ACOT1: variants seen among roughly 807,000 people sequenced by gnomAD.
The protein encoded by ACOT1 is acyl-CoA thioesterase 1.
Under a neutral mutation model 15.7 loss-of-function variants are expected in ACOT1, and 8 were observed. That is an observed-to-expected ratio of 0.51 (90% CI 0.30 to 0.92). The LOEUF (loss-of-function observed/expected upper bound fraction) is 0.92, where lower values mean the gene tolerates loss of function less well. ACOT1 is among the 40% of genes least tolerant of loss of function. ACOT1 has a pLI of 0.06. For synonymous variants in ACOT1, 67 were observed against 241.2 expected, an observed-to-expected ratio of 0.28 and a Z score of 6.69; for missense variants, 151 against 539.4, an observed-to-expected ratio of 0.28 and a Z score of 7.13.
chr14:73,491,737 A>C, the ACOT1 span: 2 of 1,554,110 alleles, frequency 1.3e-6, no homozygotes, highest in East Asian at 2.4e-5. Context: ...ACTACCAGGG[A>C]CTTTTCTCTA....
At chr14:73,493,192 G>T in the ACOT1 span, 1 of 1,293,560 alleles carries the variant, frequency 7.7e-7, no homozygotes, top group Non-Finnish European at 1.1e-6. Context: ...TCATTTCAGA[G>T]CACCAACTTC....
upstream of ACOT1, among the ~76,000 whole-genome samples, chr14:73,535,469 C>CTTTTTTTTTTTTTTTT (rs869167008): frequency 4.8e-4 from 8 of 16,534 alleles, 3 homozygotes; most frequent in Admixed American, 3.1e-3. Flanking sequence ...TTTCTTCTTT[C>CTTTTTTTTTTTTTTTT]TTTTTTTTTT....
At chr14:73,514,324 T>C in the ACOT1 span, 1 of 1,182,636 alleles carries the variant, frequency 8.5e-7, no homozygotes. Flanking sequence ...TTCCTATTCC[T>C]GACTAATACC....
At chr14:73,517,111 T>G in the ACOT1 span, 1 of 152,158 alleles carries the variant, frequency 6.6e-6, no homozygotes, top group Non-Finnish European at 1.5e-5. Flanking sequence ...TGAGACCCTA[T>G]CTCTAAAAAA....
At chr14:73,492,764 A>C in the ACOT1 span, 1 of 1,613,938 alleles carries the variant, frequency 6.2e-7, no homozygotes, top group South Asian at 1.1e-5. This position sits in a 1 kb window ranked among gnomAD's most constrained non-coding sequence, Gnocchi z 4.9. Context: ...GGAAGAACCC[A>C]AGTGCTTGGA....
At chr14:73,506,385 T>G in the ACOT1 span, 122 of 912,574 alleles carry the variant, frequency 1.3e-4, no homozygotes, top group African/African-American at 1.9e-3. Flanking sequence ...AATGGAATAA[T>G]ACATAGCAGC....
At chr14:73,503,088 T>C in the ACOT1 span, 2 of 1,222,664 alleles carry the variant, frequency 1.6e-6, no homozygotes, top group East Asian at 4.7e-5. Flanking sequence ...TGCTGTTTTT[T>C]CTTCTTTTTT....
upstream of ACOT1, among the ~76,000 whole-genome samples, chr14:73,532,155 G>A (rs1330083054): frequency 6.0e-5 from 7 of 116,034 alleles, 1 homozygote; most frequent in Non-Finnish European, 1.3e-4. Context: ...TCTGGCAGGC[G>A]TCAGATTACC....
chr14:73,491,990 T>C, the ACOT1 span: 1 of 1,613,946 alleles, frequency 6.2e-7, no homozygotes, highest in Non-Finnish European at 8.5e-7. Flanking sequence ...CATGGCAGGC[T>C]CCAACGTTTA....
the ACOT1 span, among the ~76,000 whole-genome samples, chr14:73,532,039 T>C: frequency 2.9e-4 from 33 of 112,734 alleles, 7 homozygotes; most frequent in African/African-American, 9.5e-4. Context: ...TCTCAAAAAA[T>C]AAAAATAAAA....
chr14:73,492,180 A>G, the ACOT1 span: 2 of 1,614,006 alleles, frequency 1.2e-6, no homozygotes, highest in Non-Finnish European at 1.7e-6. This position sits in a 1 kb window ranked among gnomAD's most constrained non-coding sequence, Gnocchi z 4.9. Flanking sequence ...CCGGTGCTGC[A>G]GACCGTGCTG....
the ACOT1 span, among the ~76,000 whole-genome samples, chr14:73,504,995 G>A: frequency 2.0e-5 from 3 of 151,870 alleles, no homozygotes; most frequent in South Asian, 4.2e-4. Flanking sequence ...GCAGTGGCAC[G>A]ATCTTGGCTC....
the ACOT1 span, chr14:73,512,227 G>A: frequency 3.3e-6 from 5 of 1,519,570 alleles, no homozygotes; most frequent in Admixed American, 3.8e-5. Flanking sequence ...GTGACAAGAA[G>A]TCTGCCCTTC....
the ACOT1 span, among the ~76,000 whole-genome samples, chr14:73,526,088 C>T: frequency 6.6e-6 from 1 of 152,164 alleles, no homozygotes; most frequent in Non-Finnish European, 1.5e-5. Context: ...ATGCCCCCCT[C>T]CCTCACCTCT....
the ACOT1 span, among the ~76,000 whole-genome samples, chr14:73,512,896 A>G: frequency 3.3e-5 from 5 of 152,286 alleles, no homozygotes; most frequent in East Asian, 7.7e-4. Context: ...AAGCTTGTCT[A>G]TCATGTTCTG....
chr14:73,525,134 ATCC>A, the ACOT1 span, among the ~76,000 whole-genome samples: 1 of 151,942 alleles, frequency 6.6e-6, no homozygotes, highest in Non-Finnish European at 1.5e-5. Flanking sequence ...GGCCCAAGTA[ATCC>A]TCCTACTTCA....
In ACOT1 at chr14:73,537,635, T is replaced by C; in HGVS notation, c.214T>C (p.Phe72Leu). 7 of 1,225,164 alleles carry C rather than the reference T, an allele frequency of 5.7e-6. 2 individuals carry two copies. The highest frequency in any genetic ancestry group is 7.5e-6 in the Non-Finnish European group (7 of 931,156). 75.9% of individuals were successfully genotyped at this position (1,225,164 alleles called of 1,614,324 possible). A position where few individuals can be genotyped will look rare whatever the true frequency, so the allele number is the denominator to read the frequency against. The change falls in exon 1 of 3, where the codon TTC (phenylalanine) becomes CTC (leucine). Residue 72 changes from phenylalanine to leucine, a missense_variant. Coordinates refer to ENST00000311148, the MANE Select transcript of ACOT1 (RefSeq NM_001037161.2). Reference sequence around the variant, plus strand: ...GCGCGCGCCCGCGCTGGGCGGCAGCTTCGCGGGGCTTGAGCCCATGGGGCT... The same window carrying C: ...GCGCGCGCCCGCGCTGGGCGGCAGCCTCGCGGGGCTTGAGCCCATGGGGCT... ...LERAPALGGS[F>L]AGLEPMGLLW...
rs146335256 is a variant in ACOT1 at position 73,541,600 on chromosome 14, G to A, written c.565G>A (p.Ala189Thr). Residue 189 changes from alanine (A) to threonine (T), a missense_variant, in exon 2 of 3, where the codon GCT (alanine) becomes ACT (threonine). By Grantham distance (58) the Ala-to-Thr change is moderately conservative. Transcript: ENST00000311148. Reference protein sequence around the residue: ...AGKGFAVMALAYYNYEDLPKT... With the variant: ...AGKGFAVMALTYYNYEDLPKT... The stretch of plus-strand genomic sequence containing the variant: ...GAAGGGTTTTGCTGTGATGGCTCTG[G>A]CTTACTATAACTATGAAGACCTCCC... The A allele has an allele frequency of 2.1e-3, 2,663 of 1,243,584 alleles. 735 individuals are homozygous for A. In the African/African-American group the frequency reaches 0.038, roughly 18 times the overall value. 77.0% of individuals were successfully genotyped at this position (1,243,584 alleles called of 1,614,324 possible).
chr14:73,491,576 C>T, the ACOT1 span: 1 of 1,542,542 alleles, frequency 6.5e-7, no homozygotes, highest in South Asian at 1.2e-5. Flanking sequence ...CCCGCTGCGG[C>T]GCGTCTTGGC....
Sources: allele counts gnomAD v4.1 joint callset (sites outside exome capture counted in the v4.1 genomes callset), GRCh38; gene constraint gnomAD v4.1.1; non-coding constraint Gnocchi (gnomAD v3.1); transcripts MANE v1.5; gene names NCBI Gene and HGNC (gene_info 2026-07-23, HGNC 2026-07-21).